The following SNX24 variants were observed in gnomAD, a reference collection of about 807,000 sequenced individuals.
The protein encoded by SNX24 is sorting nexin 24, also known as sorting nexin-24.
In SNX24, 22 loss-of-function variants were observed where a neutral mutation model predicts 28.7. The ratio of observed to expected loss-of-function variants is 0.77; its 90% CI spans 0.55 to 1.10. SNX24 has a LOEUF of 1.10. Ranked by LOEUF, SNX24 falls within the 50% of genes least tolerant of loss-of-function variation. The probability of loss-of-function intolerance (pLI) is 0.00; values close to 1 mark genes in which losing one functional copy is unlikely to be tolerated. For synonymous variants in SNX24, 69 were observed against 71.5 expected (o/e 0.96, Z 0.18); for missense variants, 221 against 201.1 (o/e 1.10, Z -0.60).
chr5:122,911,918 T>C (rs1383190946), intron 1 of SNX24, among the ~76,000 whole-genome samples: 3 of 149,906 alleles, frequency 2.0e-5, no homozygotes, highest in Non-Finnish European at 4.4e-5. Flanking sequence ...CTTCCAGCTT[T>C]GTTCTTTTGG....
Position 123,001,514 on chromosome 5 carries a change from G to T in SNX24, c.377+77G>T, listed in dbSNP as rs528826001. 2.6e-5 allele frequency: 28 copies of T among 1,062,980 alleles called. No homozygotes were observed. The African/African-American group carries it at 4.5e-4, about 17-fold the overall frequency. The allele number at this position is 1,062,980 out of a possible 1,614,324, so 65.8% of individuals were successfully genotyped here. ...TTTAATCACCTACGATGTGTTTCAA[G>T]TTATGTTTTTCTTAAGAACCTTTGT... On this transcript the variant is annotated intron_variant, in intron 5 of 6. Coordinates refer to ENST00000261369, the MANE Select transcript of SNX24 (RefSeq NM_014035.4).
intron 1 of SNX24, among the ~76,000 whole-genome samples, chr5:122,857,406 T>C (rs1755245353): frequency 6.6e-6 from 1 of 151,934 alleles, no homozygotes; most frequent in African/African-American, 2.4e-5. Context: ...TTTATTTATT[T>C]GTTAACTTTT....
At chr5:123,017,078 G>A (rs1405183493) in intron 5 of SNX24, among the ~76,000 whole-genome samples, 1 of 151,900 alleles carries the variant, frequency 6.6e-6, no homozygotes, top group Non-Finnish European at 1.5e-5. Context: ...GCAGAGCACC[G>A]AGATCAAACC....
chr5:122,974,398 A>G (rs991076952), intron 3 of SNX24, among the ~76,000 whole-genome samples: 1 of 152,262 alleles, frequency 6.6e-6, no homozygotes. Context: ...TGTGAACAAG[A>G]TTATGACACA....
intron 1 of SNX24, among the ~76,000 whole-genome samples, chr5:122,908,276 T>G (rs1481814138): frequency 2.0e-5 from 3 of 152,220 alleles, no homozygotes; most frequent in Non-Finnish European, 4.4e-5. Context: ...TTCACTGCTG[T>G]CAGATGTCAT....
rs2150182389 is a variant in SNX24, at chr5:123,008,996, G to A, written c.*1247G>A. ...AAATCAAAACTAATAACTACATCAT[G>A]GTTTTTGATTAGGATCTAAATATTC... On this transcript the variant is annotated 3_prime_UTR_variant, in exon 7 of 7. Transcript: ENST00000261369. 3 of 985,696 alleles carry A rather than the reference G, an allele frequency of 3.0e-6. No homozygotes were observed. The South Asian group carries it at 1.4e-4, about 46-fold the overall frequency. The allele number at this position is 985,696 out of a possible 1,614,324, so 61.1% of individuals were successfully genotyped here. A position where few individuals can be genotyped will look rare whatever the true frequency, so the allele number is the denominator to read the frequency against.
At chr5:122,875,183 T>A (rs1262842866) in intron 1 of SNX24, among the ~76,000 whole-genome samples, 1 of 152,208 alleles carries the variant, frequency 6.6e-6, no homozygotes, top group Non-Finnish European at 1.5e-5. Context: ...TGAATTAGAA[T>A]TTGACCTAAG....
intron 1 of SNX24, among the ~76,000 whole-genome samples, chr5:122,878,693 C>T (rs542990006): frequency 4.6e-5 from 7 of 152,058 alleles, no homozygotes; most frequent in African/African-American, 1.2e-4. Flanking sequence ...TAATGCTCAC[C>T]GTTTGTGGTG....
chr5:122,952,036 A>C (rs1028849531), intron 3 of SNX24, among the ~76,000 whole-genome samples: 1 of 152,258 alleles, frequency 6.6e-6, no homozygotes, highest in Non-Finnish European at 1.5e-5. Flanking sequence ...TGTTTCATGC[A>C]CAAAATTATT....
At position 122,882,180 on chromosome 5, in the gene SNX24, G is replaced by C. The variant is rs140957594; in HGVS notation, c.60+36487G>C. On this transcript the variant is annotated intron_variant, in intron 1 of 6. Transcript: ENST00000261369. Reference sequence around the variant, plus strand: ...TGCCCAGGCTGGTCTCCGACTCCTTGCCTCAAGAGATTCTCCCACCCCAGC... The same window carrying C: ...TGCCCAGGCTGGTCTCCGACTCCTTCCCTCAAGAGATTCTCCCACCCCAGC... Among the ~76,000 whole-genome samples, 108 of 152,138 alleles carry C rather than the reference G, an allele frequency of 7.1e-4. 3 individuals are homozygous for C. In the East Asian group the frequency reaches 0.019, roughly 27 times the overall value.
chr5:123,010,877 G>T, downstream of SNX24, among the ~76,000 whole-genome samples: 2 of 150,732 alleles, frequency 1.3e-5, no homozygotes. Flanking sequence ...CAATATCTTG[G>T]CAATCTTTCT....
chr5:123,001,755 T>G (rs1224007009), intron 5 of SNX24, among the ~76,000 whole-genome samples, 185 bp from the exon 6 acceptor site: 1 of 152,210 alleles, frequency 6.6e-6, no homozygotes, highest in Non-Finnish European at 1.5e-5. Context: ...AAAGAAATGT[T>G]TAGAAGATGA....
intron 3 of SNX24, among the ~76,000 whole-genome samples, chr5:122,977,972 T>C (rs1009670145): frequency 6.6e-6 from 1 of 152,206 alleles, no homozygotes; most frequent in Non-Finnish European, 1.5e-5. Flanking sequence ...TAGTCTTTGA[T>C]GTGAAATGAT....
intron 5 of SNX24, among the ~76,000 whole-genome samples, chr5:123,014,655 G>A (rs578239468): frequency 4.6e-5 from 7 of 152,072 alleles, no homozygotes; most frequent in South Asian, 4.2e-4. Context: ...GTCCATTCTC[G>A]ACACAAAAAC....
intron 1 of SNX24, among the ~76,000 whole-genome samples, chr5:122,908,040 A>T (rs1757723277): frequency 6.6e-6 from 1 of 152,214 alleles, no homozygotes; most frequent in South Asian, 2.1e-4. Flanking sequence ...ATACATTGAA[A>T]CCAGCACAAA....
chr5:122,995,762 A>G (rs1309920370), intron 3 of SNX24, among the ~76,000 whole-genome samples: 1 of 152,230 alleles, frequency 6.6e-6, no homozygotes, highest in Non-Finnish European at 1.5e-5. Context: ...ATTAGTTGAC[A>G]GGCCATGTGT....
At chr5:122,993,680 G>A (rs1207232460) in intron 3 of SNX24, among the ~76,000 whole-genome samples, 1 of 152,196 alleles carries the variant, frequency 6.6e-6, no homozygotes, top group Non-Finnish European at 1.5e-5. Flanking sequence ...GTGCAGGGAA[G>A]TGGTAAGTAG....
At chr5:122,952,998 A>G (rs958483609) in intron 3 of SNX24, among the ~76,000 whole-genome samples, 3 of 152,218 alleles carry the variant, frequency 2.0e-5, no homozygotes, top group South Asian at 4.1e-4. Context: ...AGGAAAGGGA[A>G]TAATAGAAGG....
chr5:123,004,872 C>T (rs1486032354), intron 6 of SNX24, among the ~76,000 whole-genome samples: 4 of 141,634 alleles, frequency 2.8e-5, no homozygotes, highest in Non-Finnish European at 3.3e-5. Flanking sequence ...AGCCCCTCTA[C>T]CCATTCACAA....
Sources: allele counts gnomAD v4.1 joint callset (sites outside exome capture counted in the v4.1 genomes callset), GRCh38; gene constraint gnomAD v4.1.1; transcripts MANE v1.5; gene names NCBI Gene and HGNC (gene_info 2026-07-23, HGNC 2026-07-21).